ARAP1: variants seen among roughly 807,000 people sequenced by gnomAD.
ARAP1 encodes the protein arf-GAP with Rho-GAP domain, ANK repeat and PH domain-containing protein 1.
ARAP1 carries 76 observed loss-of-function variants against 172.2 expected under a neutral mutation model. The ratio of observed to expected loss-of-function variants is 0.44; its 90% CI spans 0.37 to 0.53. ARAP1 has a LOEUF of 0.53. Among genes scored for constraint, ARAP1 ranks in the 20% least tolerant of loss-of-function variants. The pLI is 0.00. For missense variants in ARAP1, 1,686 were observed against 1,977.5 expected (o/e 0.85, Z 2.80); for synonymous variants, 804 against 803.3 (o/e 1.00, Z -0.01).
intron 1 of ARAP1, among the ~76,000 whole-genome samples, chr11:72,746,642 G>C (rs1039998080): frequency 1.3e-5 from 2 of 152,094 alleles, no homozygotes; most frequent in African/African-American, 4.8e-5. Flanking sequence ...GAAGGGAGTG[G>C]AGAGGAGTGG....
Position 72,693,939 on chromosome 11 carries a change from AC to A in ARAP1, c.3695-135del. 1.5e-6 allele frequency: 1 copy of A among 660,570 alleles called. No homozygotes were observed. Among genetic ancestry groups the A allele is most frequent in the Non-Finnish European group, 2.5e-6 (1 of 392,342 alleles). 40.9% of individuals were successfully genotyped at this position (660,570 alleles called of 1,614,324 possible). The stretch of plus-strand genomic sequence containing the variant: ...TGCAAGTGCCACGACACAAAACACC[AC>A]CATCATGACCACCCTTCCCATGACC... On this transcript the variant is annotated intron_variant, in intron 27 of 34. Coordinates refer to ENST00000393609, the MANE Select transcript of ARAP1 (RefSeq NM_001040118.3). This position sits in a 1 kb window ranked among gnomAD's most constrained non-coding sequence, Gnocchi z 4.6.
intron 31 of ARAP1, 31 bp from the exon 32 acceptor site, chr11:72,687,769 T>C (rs1855752390): frequency 1.2e-6 from 2 of 1,613,602 alleles, no homozygotes; most frequent in Non-Finnish European, 1.7e-6. Context: ...GAGTTGGGTG[T>C]TTGACAGGCC....
Position 72,704,575 on chromosome 11 carries a change from A to T in ARAP1, c.1810-241T>A, listed in dbSNP as rs1856670080. 8.0e-6 allele frequency: 4 copies of T among 499,836 alleles called. No homozygotes were observed. In the South Asian group the frequency reaches 1.1e-4, roughly 14 times the overall value. The allele number at this position is 499,836 out of a possible 1,614,324, so 31.0% of individuals were successfully genotyped here. On this transcript the variant is annotated intron_variant, in intron 13 of 34. Transcript: ENST00000393609. ...GACAGGACAGGGAGTCAGCAGACTG[A>T]CAGGTGGATGCCTCAGGCCTTGCAC... is the stretch of plus-strand genomic sequence containing the variant.
chr11:72,697,835 CCAGGCAAGGG>C, intron 19 of ARAP1, 66 bp downstream of exon 19: 1 of 1,490,686 alleles, frequency 6.7e-7, no homozygotes, highest in African/African-American at 1.4e-5. Flanking sequence ...GTTCAGATTT[CCAGGCAAGGG>C]CTGGGGGCCT....
intron 30 of ARAP1, among the ~76,000 whole-genome samples, chr11:72,692,339 AC>A (rs1186921394): frequency 6.6e-6 from 1 of 151,930 alleles, no homozygotes; most frequent in Admixed American, 6.6e-5. Flanking sequence ...CTCTCGTCCC[AC>A]CCCGGCATGT....
Position 72,727,120 on chromosome 11 carries a change from C to T in ARAP1, c.9G>A (p.Glu3=). The T allele has an allele frequency of 3.2e-6, 5 of 1,586,106 alleles. No individual in the cohort carries two copies. The highest frequency in any genetic ancestry group is 2.6e-6 in the Non-Finnish European group (3 of 1,162,008). The change falls in exon 3 of 35, where the codon GAG becomes GAA. Residue 3 remains glutamate (E), a synonymous_variant. Coordinates refer to ENST00000393609, the MANE Select transcript of ARAP1 (RefSeq NM_001040118.3). ...CCACCGATAGCGCAGCATCCCCAGC[C>T]TCTGCCATGGTTCCTGCCAGCGGAG... MA[E]AGDAALSVAE...
At chr11:72,717,834 T>C (rs950161653) in intron 3 of ARAP1, among the ~76,000 whole-genome samples, 11 of 152,208 alleles carry the variant, frequency 7.2e-5, no homozygotes, top group African/African-American at 2.7e-4. Flanking sequence ...TTATTTGTTC[T>C]TGGTGCCACA....
intron 2 of ARAP1, among the ~76,000 whole-genome samples, chr11:72,730,361 C>T (rs191732117): frequency 2.0e-5 from 3 of 152,290 alleles, no homozygotes; most frequent in Admixed American, 2.0e-4. Context: ...AAAATACAGG[C>T]ATTGGTGATG....
In ARAP1 at chr11:72,727,051, G is replaced by C. The variant is rs765932170; in HGVS notation, c.78C>G (p.Leu26=). The C allele has an allele frequency of 2.5e-5, 41 of 1,610,878 alleles. No homozygotes were observed. The East Asian group carries it at 7.1e-4, about 28-fold the overall frequency. ...RALHLEQYTG[L]FEQHGLVWAT... is the part of the protein sequence containing the mutation. ...CCCACACCAGGCCATGCTGCTCAAA[G>C]AGCCCCGTGTACTGCTCCAGGTGCA... The change falls in exon 3 of 35, where the codon CTC becomes CTG. Residue 26 remains leucine (L), a synonymous_variant. Coordinates refer to ENST00000393609, the MANE Select transcript of ARAP1 (RefSeq NM_001040118.3).
rs1263025627 is a variant in ARAP1, at chr11:72,726,819, T to C, written c.310A>G (p.Thr104Ala). 5 of 1,560,568 alleles carry C rather than the reference T, an allele frequency of 3.2e-6. No individual in the cohort carries two copies. Among genetic ancestry groups the C allele is most frequent in the Non-Finnish European group, 4.3e-6 (5 of 1,153,824 alleles). The change falls in exon 3 of 35, where the codon ACC becomes GCC. Residue 104 changes from threonine to alanine, a missense_variant. By Grantham distance (58) the Thr-to-Ala change is moderately conservative. Coordinates refer to ENST00000393609, the MANE Select transcript of ARAP1 (RefSeq NM_001040118.3). The surrounding 1 kb of genome is among the most constrained non-coding windows in gnomAD (Gnocchi z 6.5). The part of the protein sequence containing the change: ...VPATPPEPLP[T>A]TTEDEGLPAA... ...GGGAGCCCCTCATCCTCTGTAGTGG[T>C]GGGCAGCGGCTCGGGTGGAGTGGCA...
intron 15 of ARAP1, among the ~76,000 whole-genome samples, chr11:72,702,598 A>G (rs1025736157): frequency 6.6e-6 from 1 of 152,230 alleles, no homozygotes; most frequent in Admixed American, 6.5e-5. Context: ...CAAAGCTCTC[A>G]GCATCCCCAG....
intron 2 of ARAP1, among the ~76,000 whole-genome samples, chr11:72,728,582 A>C (rs1857768447): frequency 6.6e-6 from 1 of 151,968 alleles, no homozygotes; most frequent in South Asian, 2.1e-4. Flanking sequence ...CTCCGTCTCA[A>C]AACAAAAACA....
rs181743595 is a variant in ARAP1, at chr11:72,692,635, G to A, written c.3987+118C>T. The A allele has an allele frequency of 1.6e-4, 220 of 1,356,186 alleles. No homozygotes were observed. In the African/African-American group the frequency reaches 2.8e-3, roughly 17 times the overall value. The allele number at this position is 1,356,186 out of a possible 1,614,324, so 84.0% of individuals were successfully genotyped here. ...AGGGGCCAGTGCCAACGGGCAAGGG[G>A]GCAGGGATCCATGCCTGGAGATGGC... On this transcript the variant is annotated intron_variant, in intron 30 of 34. Coordinates refer to ENST00000393609, the MANE Select transcript of ARAP1 (RefSeq NM_001040118.3).
intron 31 of ARAP1, among the ~76,000 whole-genome samples, chr11:72,688,038 C>T (rs1037369631): frequency 2.6e-5 from 4 of 151,954 alleles, no homozygotes; most frequent in African/African-American, 7.3e-5. Flanking sequence ...CTCACTCTGT[C>T]GCCCAGGCTG....
intron 15 of ARAP1, 103 bp from the exon 16 acceptor site, chr11:72,701,886 T>C: frequency 6.9e-7 from 1 of 1,457,498 alleles, no homozygotes; most frequent in Non-Finnish European, 9.3e-7. Context: ...TTTCGAATCA[T>C]CAGCCCCAGC....
chr11:72,727,256 G>A, intron 2 of ARAP1, 84 bp from the exon 3 acceptor site: 1 of 1,222,476 alleles, frequency 8.2e-7, no homozygotes, highest in Non-Finnish European at 1.1e-6. Context: ...GCTCTCTCAA[G>A]CCATAGGTTC....
chr11:72,726,846 G>A lies in ARAP1; in HGVS notation c.283C>T (p.Pro95Ser). 1 of 1,562,182 alleles carries A rather than the reference G, an allele frequency of 6.4e-7. No homozygotes were observed. The highest frequency in any genetic ancestry group is 8.7e-7 in the Non-Finnish European group (1 of 1,153,108). Residue 95 changes from proline to serine, a missense_variant, in exon 3 of 35, where the codon CCT becomes TCT. Pro to Ser is a moderately conservative substitution (Grantham distance 74). Coordinates refer to ENST00000393609, the MANE Select transcript of ARAP1 (RefSeq NM_001040118.3). This position sits in a 1 kb window ranked among gnomAD's most constrained non-coding sequence, Gnocchi z 6.5. Reference protein sequence around the residue: ...KRHIFRSPPVPATPPEPLPTT... With the variant: ...KRHIFRSPPVSATPPEPLPTT... ...GGCAGCGGCTCGGGTGGAGTGGCAG[G>A]CACAGGTGGTGAGCGGAAGATGTGG...
Position 72,695,462 on chromosome 11 carries a change from G to A in ARAP1, c.3508-7C>T. The A allele has an allele frequency of 1.2e-6, 2 of 1,614,218 alleles. No individual in the cohort carries two copies. Among genetic ancestry groups the A allele is most frequent in the Non-Finnish European group, 1.7e-6 (2 of 1,180,044 alleles). Reference sequence around the variant, plus strand: ...AGATGAAGTCACCGGCATGCTGCAGGGAGACAGGGCTCAGCTGGGGGCCTA... The same window carrying A: ...AGATGAAGTCACCGGCATGCTGCAGAGAGACAGGGCTCAGCTGGGGGCCTA... On this transcript the variant is annotated splice_region_variant and splice_polypyrimidine_tract_variant and intron_variant, in intron 25 of 34. Coordinates refer to ENST00000393609, the MANE Select transcript of ARAP1 (RefSeq NM_001040118.3). This position sits in a 1 kb window ranked among gnomAD's most constrained non-coding sequence, Gnocchi z 4.4.
In ARAP1 at chr11:72,702,909, G is replaced by A. The variant is rs781094794; in HGVS notation, c.2163C>T (p.Thr721=). ...CCCACCCTCTGCCACGCTCACCTGTGGTCCGGTTGTTCCGAAGGAATTCCA... is the reference window on the plus strand; with the variant it reads ...CCCACCCTCTGCCACGCTCACCTGTAGTCCGGTTGTTCCGAAGGAATTCCA... ...LQMEFLRNNR[T]TEVPRLDSMK... is the part of the protein sequence containing the mutation. The change falls in exon 15 of 35, where the codon ACC becomes ACT. Residue 721 remains threonine, a synonymous_variant. Coordinates refer to ENST00000393609, the MANE Select transcript of ARAP1 (RefSeq NM_001040118.3). 1.5e-5 allele frequency: 24 copies of A among 1,553,706 alleles called. No homozygotes were observed. In the African/African-American group the frequency reaches 2.2e-4, roughly 14 times the overall value.
Sources: allele counts gnomAD v4.1 joint callset (sites outside exome capture counted in the v4.1 genomes callset), GRCh38; gene constraint gnomAD v4.1.1; non-coding constraint Gnocchi (gnomAD v3.1); transcripts MANE v1.5; gene names NCBI Gene and HGNC (gene_info 2026-07-23, HGNC 2026-07-21).